TIAM2: variants seen among roughly 807,000 people sequenced by gnomAD.
The protein encoded by TIAM2 is TIAM Rac1 associated GEF 2.
In TIAM2, 80 loss-of-function variants were observed where a neutral mutation model predicts 152.9. The observed-to-expected ratio is 0.52, with a 90% CI of 0.44 to 0.63. The LOEUF is 0.63. TIAM2 is among the 30% of genes least tolerant of loss of function. The pLI, the probability that TIAM2 is intolerant of heterozygous loss-of-function variation, is 0.00. For synonymous variants in TIAM2, 804 were observed against 838.0 expected, an observed-to-expected ratio of 0.96 and a Z score of 0.70; for missense variants, 1,965 against 2,120.1, an observed-to-expected ratio of 0.93 and a Z score of 1.44.
chr6:155,114,037 TTTTTTTTTTTTTC>T lies in TIAM2; in HGVS notation c.-117-13440_-117-13428del, dbSNP rs1462747130. On this transcript the variant is annotated intron_variant, in intron 2 of 26. Transcript: ENST00000682666. Reference sequence around the variant, plus strand: ...CTTTATATATATATATATATATATATTTTTTTTTTTTTCTTTTTTTTTTTTTTTTTTTTTGAAA... The same window carrying T: ...CTTTATATATATATATATATATATATTTTTTTTTTTTTTTTTTTTTTGAAA... 3.1e-3 allele frequency among the ~76,000 whole-genome samples: 87 copies of T among 28,486 alleles called. 1 individual carries two copies. Among genetic ancestry groups the T allele is most frequent in the African/African-American group, 9.7e-3 (81 of 8,366 alleles). 18.7% of individuals were successfully genotyped at this position (28,486 alleles called of 152,430 possible). A position where few individuals can be genotyped will look rare whatever the true frequency, so the allele number is the denominator to read the frequency against.
chr6:155,125,709 G>A (rs930873904), intron 2 of TIAM2, among the ~76,000 whole-genome samples: 6 of 151,982 alleles, frequency 3.9e-5, no homozygotes, highest in African/African-American at 9.7e-5. Context: ...GCAATGGTGC[G>A]CGCCTATAAT....
chr6:155,244,911 A>C (rs9371874), intron 18 of TIAM2, 128 bp downstream of exon 18: 324,712 of 1,175,694 alleles, frequency 0.28, 50,411 homozygotes, highest in East Asian at 0.65. Context: ...TCCTGTGACT[A>C]TTTCCTTGCA....
chr6:155,212,030 T>G (rs1781734160), intron 15 of TIAM2, among the ~76,000 whole-genome samples: 1 of 152,244 alleles, frequency 6.6e-6, no homozygotes. Flanking sequence ...ATCCAGGTTG[T>G]GGCATGTGTC....
At chr6:155,040,082 G>A (rs1776992375) in intron 1 of TIAM2, among the ~76,000 whole-genome samples, 1 of 152,124 alleles carries the variant, frequency 6.6e-6, no homozygotes, top group Admixed American at 6.5e-5. Flanking sequence ...ACATTATGAA[G>A]TTTTAGAGGC....
At chr6:155,113,493 G>A (rs889233415) in intron 2 of TIAM2, among the ~76,000 whole-genome samples, 4 of 152,080 alleles carry the variant, frequency 2.6e-5, no homozygotes, top group Non-Finnish European at 4.4e-5. Flanking sequence ...GGCTGAGGCC[G>A]GCAGATCACT....
chr6:155,065,061 CT>C (rs1196623182), intron 1 of TIAM2, among the ~76,000 whole-genome samples: 1 of 152,178 alleles, frequency 6.6e-6, no homozygotes, highest in Non-Finnish European at 1.5e-5. Context: ...TTTCAAGGTT[CT>C]CCTGCCTCAG....
intron 1 of TIAM2, among the ~76,000 whole-genome samples, chr6:155,052,190 A>G (rs1477852466): frequency 6.6e-6 from 1 of 152,168 alleles, no homozygotes; most frequent in African/African-American, 2.4e-5. Context: ...TGTATTAACT[A>G]TTTAGTGCTG....
In TIAM2 at chr6:155,248,646, C is replaced by T. The variant is rs146667458; in HGVS notation, c.3832+467C>T. 1.4e-3 allele frequency among the ~76,000 whole-genome samples: 207 copies of T among 152,306 alleles called. 1 individual carries two copies. Among genetic ancestry groups the T allele is most frequent in the Non-Finnish European group, 2.1e-3 (141 of 68,030 alleles). ...CAGAGCTCGGCTTCAAAACCAAACT[C>T]CCAATGATGGGTTATGCTTTCAAGT... On this transcript the variant is annotated intron_variant, in intron 20 of 26. Coordinates refer to ENST00000682666, the MANE Select transcript of TIAM2 (RefSeq NM_012454.4).
chr6:155,132,161 A>G (rs1779464268), intron 4 of TIAM2, among the ~76,000 whole-genome samples: 1 of 149,598 alleles, frequency 6.7e-6, no homozygotes, highest in African/African-American at 2.5e-5. Context: ...TTGATTATTT[A>G]TATAGGGGAG....
chr6:155,100,099 A>G (rs1228395152), intron 2 of TIAM2, among the ~76,000 whole-genome samples: 1 of 148,044 alleles, frequency 6.8e-6, no homozygotes, highest in African/African-American at 2.6e-5. Flanking sequence ...AAGTTTTTTA[A>G]CTGAGACTGG....
intron 2 of TIAM2, among the ~76,000 whole-genome samples, chr6:155,101,568 G>C (rs1472000848): frequency 6.6e-6 from 1 of 152,204 alleles, no homozygotes; most frequent in East Asian, 1.9e-4. Flanking sequence ...GCAGTAAGGA[G>C]TGGTGCTTGG....
chr6:155,172,687 T>TC (rs1491511697), intron 9 of TIAM2, among the ~76,000 whole-genome samples: 1 of 13,616 alleles, frequency 7.3e-5, no homozygotes, highest in Non-Finnish European at 1.2e-4. Context: ...TATATATATA[T>TC]TTTTTTTTTT....
chr6:155,086,613 G>A (rs553350559), intron 1 of TIAM2, among the ~76,000 whole-genome samples: 40 of 151,104 alleles, frequency 2.6e-4, no homozygotes, highest in African/African-American at 9.0e-4. Context: ...AGGCTGAGGC[G>A]GGAGAATTGC....
At position 155,105,157 on chromosome 6, in the gene TIAM2, C is replaced by T. The variant is rs140031119; in HGVS notation, c.-118+14778C>T. On this transcript the variant is annotated intron_variant, in intron 2 of 26. Transcript: ENST00000682666. ...ATTTTTAGTAGAGATGGGGTTTCAC[C>T]GTGTTAGCCAGGATGGTCTCAATCT... is the stretch of plus-strand genomic sequence containing the variant. Among the ~76,000 whole-genome samples, 856 of 151,930 alleles carry T rather than the reference C, an allele frequency of 5.6e-3. 8 individuals carry two copies. Among genetic ancestry groups the T allele is most frequent in the Non-Finnish European group, 8.7e-3 (592 of 67,964 alleles).
Position 155,144,702 on chromosome 6 carries a change from A to G in TIAM2, c.1727A>G (p.Gln576Arg). The change falls in exon 6 of 27, where the codon CAG (glutamine) becomes CGG (arginine). Residue 576 changes from glutamine to arginine, a missense_variant. Physicochemically the swap from Gln to Arg is conservative, Grantham distance 43. Around this residue, in one of 3 missense-constraint regions of TIAM2, gnomAD observed 1,025 missense variants for 1,119.4 expected, o/e 0.92. Coordinates refer to ENST00000682666, the MANE Select transcript of TIAM2 (RefSeq NM_012454.4). ...CALFAEDSIV[Q>R]SVPEHPKKEN... is the part of the protein sequence containing the mutation. ...CTGTTTGCAGAAGACAGCATAGTGC[A>G]GTCTGTTCCAGAGCATCCCAAGAAA... The G allele has an allele frequency of 6.2e-7, 1 of 1,611,354 alleles. No homozygotes were observed. The highest frequency in any genetic ancestry group is 8.5e-7 in the Non-Finnish European group (1 of 1,178,998).
chr6:155,158,118 C>G (rs1344023627), intron 7 of TIAM2, among the ~76,000 whole-genome samples: 1 of 152,214 alleles, frequency 6.6e-6, no homozygotes, highest in East Asian at 1.9e-4. Context: ...CATGAATTAT[C>G]TTATGGGACA....
intron 1 of TIAM2, among the ~76,000 whole-genome samples, chr6:155,052,373 T>G (rs796168528): frequency 8.5e-5 from 13 of 152,334 alleles, no homozygotes; most frequent in African/African-American, 3.1e-4. Context: ...TGAAATTATA[T>G]ACAAGTTACT....
chr6:155,051,581 C>T (rs182902283), intron 1 of TIAM2, among the ~76,000 whole-genome samples: 11 of 152,152 alleles, frequency 7.2e-5, no homozygotes, highest in African/African-American at 2.4e-4. Context: ...TAAGCCATTG[C>T]GTTTCCTGTA....
At chr6:155,046,917 G>A (rs944327490) in intron 1 of TIAM2, among the ~76,000 whole-genome samples, 3 of 152,140 alleles carry the variant, frequency 2.0e-5, no homozygotes, top group Non-Finnish European at 4.4e-5. Context: ...GATGCAGGTC[G>A]GAATTGGAGA....
Sources: allele counts gnomAD v4.1 joint callset (sites outside exome capture counted in the v4.1 genomes callset), GRCh38; gene constraint gnomAD v4.1.1; regional missense constraint gnomAD v4.1.1; transcripts MANE v1.5; gene names NCBI Gene and HGNC (gene_info 2026-07-23, HGNC 2026-07-21).